ADAMTS17: variants seen among roughly 807,000 people sequenced by gnomAD.
ADAMTS17 encodes the protein A disintegrin and metalloproteinase with thrombospondin motifs 17.
In ADAMTS17, 113 loss-of-function variants were observed where a neutral mutation model predicts 141.5. The ratio of observed to expected loss-of-function variants is 0.80; its 90% CI spans 0.69 to 0.93. The LOEUF is 0.93. Ranked by LOEUF, ADAMTS17 falls within the 40% of genes least tolerant of loss-of-function variation. The pLI, the probability that ADAMTS17 is intolerant of heterozygous loss-of-function variation, is 0.00. For missense variants in ADAMTS17, 1,659 were observed against 1,517.9 expected, an observed-to-expected ratio of 1.09 and a Z score of -1.54; for synonymous variants, 768 against 630.6, an observed-to-expected ratio of 1.22 and a Z score of -3.27.
At chr15:100,106,088 T>C (rs28637089) in intron 14 of ADAMTS17, among the ~76,000 whole-genome samples, 5,002 of 152,096 alleles carry the variant, frequency 0.033, 275 homozygotes, top group African/African-American at 0.11. Flanking sequence ...ACTCTGCCTC[T>C]CAGGCTCAAG....
chr15:100,300,489 A>G (rs923030365), intron 3 of ADAMTS17, among the ~76,000 whole-genome samples: 1 of 152,080 alleles, frequency 6.6e-6, no homozygotes, highest in Admixed American at 6.6e-5. Context: ...CAACTTTCCA[A>G]TGCCCCCACT....
chr15:100,292,592 G>A (rs1461378470), intron 3 of ADAMTS17, among the ~76,000 whole-genome samples: 3 of 152,184 alleles, frequency 2.0e-5, no homozygotes, highest in Non-Finnish European at 2.9e-5. Context: ...CACTAACCCC[G>A]TGTGAAATTA....
chr15:100,119,771 TC>T (rs1206654054), intron 12 of ADAMTS17, among the ~76,000 whole-genome samples: 2 of 152,246 alleles, frequency 1.3e-5, no homozygotes, highest in Non-Finnish European at 2.9e-5. Context: ...TGACAAATTC[TC>T]CAACAGGCAG....
intron 8 of ADAMTS17, among the ~76,000 whole-genome samples, chr15:100,185,189 G>A (rs139022662): frequency 2.0e-5 from 3 of 152,286 alleles, no homozygotes; most frequent in Non-Finnish European, 4.4e-5. Context: ...ATGGCAAGTT[G>A]CTTAAGTTCC....
At chr15:100,305,090 T>C (rs796310364) in intron 3 of ADAMTS17, among the ~76,000 whole-genome samples, 4 of 152,266 alleles carry the variant, frequency 2.6e-5, no homozygotes, top group African/African-American at 9.6e-5. Flanking sequence ...TCAAAAGTTA[T>C]ACTGAAATTT....
chr15:100,300,550 G>A (rs74039224), intron 3 of ADAMTS17, among the ~76,000 whole-genome samples: 15,496 of 152,212 alleles, frequency 0.1, 1,244 homozygotes, highest in East Asian at 0.31. Context: ...GCCATTTCTT[G>A]AAGTGCTTCC....
At chr15:100,014,866 C>A (rs1269603703) in intron 18 of ADAMTS17, among the ~76,000 whole-genome samples, 1 of 152,182 alleles carries the variant, frequency 6.6e-6, no homozygotes, top group Non-Finnish European at 1.5e-5. Flanking sequence ...CTGTATATAT[C>A]TTTTAAGTCC....
At chr15:100,062,557 C>T (rs1031256651) in intron 15 of ADAMTS17, among the ~76,000 whole-genome samples, 3 of 152,062 alleles carry the variant, frequency 2.0e-5, no homozygotes, top group African/African-American at 7.2e-5. Flanking sequence ...AAGCAGAGAC[C>T]ATTTCAAAGA....
intron 10 of ADAMTS17, among the ~76,000 whole-genome samples, chr15:100,147,720 G>T (rs939401084): frequency 6.6e-6 from 1 of 152,074 alleles, no homozygotes; most frequent in African/African-American, 2.4e-5. Context: ...GCCTTTGTAC[G>T]AATGTCATAC....
intron 13 of ADAMTS17, among the ~76,000 whole-genome samples, chr15:100,112,914 G>C (rs551535001): frequency 2.8e-4 from 43 of 152,282 alleles, no homozygotes; most frequent in African/African-American, 1.0e-3. Flanking sequence ...CAGTGAAGAA[G>C]ACACTCGTGG....
Position 100,341,061 on chromosome 15 carries a change from G to T in ADAMTS17, c.428C>A (p.Ala143Asp). The change falls in exon 2 of 22, where the codon GCC becomes GAC. Residue 143 changes from alanine to aspartate, a missense_variant. Transcript: ENST00000268070. ...GHPGSLVSLS[A>D]CGAAGGLVGL... is the part of the protein sequence containing the mutation. ...TACCAGGCCGCCGGCGGCGCCGCAGGCGCTGAGCGAGACGAGGGAGCCGGG... is the reference window on the plus strand; with the variant it reads ...TACCAGGCCGCCGGCGGCGCCGCAGTCGCTGAGCGAGACGAGGGAGCCGGG... 6.6e-7 allele frequency: 1 copy of T among 1,523,680 alleles called. No individual in the cohort carries two copies. The highest frequency in any genetic ancestry group is 8.8e-7 in the Non-Finnish European group (1 of 1,140,648). 94.4% of individuals were successfully genotyped at this position (1,523,680 alleles called of 1,614,324 possible). A position where few individuals can be genotyped will look rare whatever the true frequency, so the allele number is the denominator to read the frequency against.
chr15:100,070,613 G>A (rs1457187181), intron 15 of ADAMTS17, among the ~76,000 whole-genome samples: 2 of 149,888 alleles, frequency 1.3e-5, no homozygotes, highest in Non-Finnish European at 3.0e-5. Flanking sequence ...CAACTACATG[G>A]AAACTGAACA....
intron 7 of ADAMTS17, among the ~76,000 whole-genome samples, chr15:100,205,995 T>TC (rs1326600916): frequency 2.0e-5 from 3 of 152,080 alleles, no homozygotes; most frequent in Non-Finnish European, 4.4e-5. Context: ...TGATCCCTGC[T>TC]CCTCCCTCTG....
At chr15:100,135,902 G>A (rs2038304802) in intron 10 of ADAMTS17, among the ~76,000 whole-genome samples, 8 of 152,202 alleles carry the variant, frequency 5.3e-5, no homozygotes, top group Admixed American at 4.6e-4. Context: ...CAGCCAGAAT[G>A]GGTAGAATGA....
At chr15:100,249,892 G>T (rs1016382137) in intron 7 of ADAMTS17, among the ~76,000 whole-genome samples, 2 of 152,180 alleles carry the variant, frequency 1.3e-5, no homozygotes, top group Non-Finnish European at 2.9e-5. Context: ...ACCCTGGGGG[G>T]ACTACTGAGG....
chr15:100,140,497 ATATATATATATC>A (rs1278073386), intron 10 of ADAMTS17, among the ~76,000 whole-genome samples: 1 of 146,338 alleles, frequency 6.8e-6, no homozygotes, highest in Non-Finnish European at 1.5e-5. Flanking sequence ...ACATATATAT[ATATATATATATC>A]CAGTAAAGAC....
chr15:100,007,034 ACTCAGTTTCCC>A (rs1199874002), intron 18 of ADAMTS17, among the ~76,000 whole-genome samples: 2 of 152,144 alleles, frequency 1.3e-5, no homozygotes, highest in Admixed American at 1.3e-4. Context: ...GGGACACCTG[ACTCAGTTTCCC>A]CACCTTCACA....
chr15:100,054,039 C>T lies in ADAMTS17; in HGVS notation c.2153G>A (p.Gly718Asp), dbSNP rs750136636. The change falls in exon 16 of 22, where the codon GGT (glycine) becomes GAT (aspartate). Residue 718 changes from glycine to aspartate, a missense_variant. Transcript: ENST00000268070. ...HARGTALKDS[G>D]KGSINSDWKI... is the part of the protein sequence containing the mutation. ...CCAGTCACTGTTGATGGACCCCTTA[C>T]CCGAGTCTTTGAGAGCTAGAAAGCA... The T allele has an allele frequency of 3.7e-6, 6 of 1,614,030 alleles. No homozygotes were observed. In the African/African-American group the frequency reaches 6.7e-5, roughly 18 times the overall value.
intron 10 of ADAMTS17, among the ~76,000 whole-genome samples, chr15:100,139,538 C>T (rs145068195): frequency 9.1e-4 from 139 of 152,288 alleles, no homozygotes; most frequent in Admixed American, 1.7e-3. Flanking sequence ...ACACCAATAG[C>T]GCTGAGGTTG....
Sources: allele counts gnomAD v4.1 joint callset (sites outside exome capture counted in the v4.1 genomes callset), GRCh38; gene constraint gnomAD v4.1.1; transcripts MANE v1.5; gene names NCBI Gene and HGNC (gene_info 2026-07-23, HGNC 2026-07-21).